CUX2: variants seen among roughly 807,000 people sequenced by gnomAD.
CUX2 encodes homeobox protein cut-like 2.
In CUX2, 40 loss-of-function variants were observed where a neutral mutation model predicts 144.8. The observed-to-expected ratio is 0.28, with a 90% CI of 0.21 to 0.36. The LOEUF is 0.36. Among genes scored for constraint, CUX2 ranks in the 10% least tolerant of loss-of-function variants. The probability of loss-of-function intolerance (pLI) is 1.00; values close to 1 mark genes in which losing one functional copy is unlikely to be tolerated. For missense variants in CUX2, 1,615 were observed against 1,994.0 expected (o/e 0.81, Z 3.62); for synonymous variants, 827 against 875.6 (o/e 0.94, Z 0.98).
At chr12:111,201,313 A>T (rs1156650287) in intron 1 of CUX2, among the ~76,000 whole-genome samples, 1 of 152,092 alleles carries the variant, frequency 6.6e-6, no homozygotes, top group Non-Finnish European at 1.5e-5. Context: ...AGCTGCCTGG[A>T]GGTGGGGGTG....
chr12:111,336,179 C>T (rs1431777069), intron 19 of CUX2, among the ~76,000 whole-genome samples: 1 of 152,130 alleles, frequency 6.6e-6, no homozygotes, highest in Non-Finnish European at 1.5e-5. Context: ...CCCTCTTGGG[C>T]CACAGTGGAA....
intron 1 of CUX2, among the ~76,000 whole-genome samples, chr12:111,117,854 G>T (rs1391387030): frequency 6.6e-6 from 1 of 152,188 alleles, no homozygotes; most frequent in Non-Finnish European, 1.5e-5. Context: ...GTATTTGAAT[G>T]CAGGCCAAGC....
intron 3 of CUX2, among the ~76,000 whole-genome samples, chr12:111,226,419 TA>T (rs1882147055): frequency 6.6e-6 from 1 of 152,226 alleles, no homozygotes; most frequent in Non-Finnish European, 1.5e-5. Context: ...ACCAAAGCAT[TA>T]TTGAACCTGT....
intron 1 of CUX2, among the ~76,000 whole-genome samples, chr12:111,144,079 C>T (rs997934659): frequency 2.6e-5 from 4 of 152,218 alleles, no homozygotes; most frequent in African/African-American, 7.2e-5. Flanking sequence ...GGACCCCCCA[C>T]TGCCTGGTGC....
At chr12:111,244,093 T>G (rs7976891) in intron 3 of CUX2, among the ~76,000 whole-genome samples, 11,499 of 146,640 alleles carry the variant, frequency 0.078, 936 homozygotes, top group African/African-American at 0.23. Flanking sequence ...GCTTTTTGGG[T>G]TTTTTTTTGT....
At position 111,132,557 on chromosome 12, in the gene CUX2, C is replaced by CTTT. The variant is rs1182564665; in HGVS notation, c.64-81618_64-81616dup. Among the ~76,000 whole-genome samples the CTTT allele has an allele frequency of 1.0e-3, 97 of 97,160 alleles. 6 individuals carry two copies. Among genetic ancestry groups the CTTT allele is most frequent in the East Asian group, 3.4e-3 (9 of 2,684 alleles). The allele number at this position is 97,160 out of a possible 152,430, so 63.7% of individuals were successfully genotyped here. On this transcript the variant is annotated intron_variant, in intron 1 of 21. Transcript: ENST00000261726. ...TTTCTGAATTTTTATGCTCTGTTTC[C>CTTT]TTTTTTTTTTTTTTTTTTTTTTTTT...
At chr12:111,265,378 G>T (rs548787637) in intron 4 of CUX2, among the ~76,000 whole-genome samples, 1 of 150,554 alleles carries the variant, frequency 6.6e-6, no homozygotes, top group South Asian at 2.1e-4. Flanking sequence ...GTCTTGCTCT[G>T]TTGCCCAGGC....
intron 19 of CUX2, among the ~76,000 whole-genome samples, chr12:111,337,665 G>A (rs1193720056): frequency 1.3e-5 from 2 of 152,206 alleles, no homozygotes; most frequent in African/African-American, 4.8e-5. Flanking sequence ...CTCCAACACG[G>A]TGATACAAAT....
At chr12:111,158,617 G>A (rs1346005736) in intron 1 of CUX2, among the ~76,000 whole-genome samples, 1 of 152,096 alleles carries the variant, frequency 6.6e-6, no homozygotes, top group Non-Finnish European at 1.5e-5. Context: ...CGGAGCATCT[G>A]CATGAAGATG....
chr12:111,105,129 CAG>C, intron 1 of CUX2, among the ~76,000 whole-genome samples: 1 of 152,286 alleles, frequency 6.6e-6, no homozygotes, highest in African/African-American at 2.4e-5. Context: ...CATTGAGGGT[CAG>C]GGCCCTGCGC....
intron 16 of CUX2, among the ~76,000 whole-genome samples, chr12:111,318,207 A>G (rs1219124726): frequency 1.4e-5 from 2 of 146,818 alleles, no homozygotes; most frequent in Admixed American, 6.8e-5. Flanking sequence ...GACCGTAGGC[A>G]TACACCACCA....
intron 1 of CUX2, among the ~76,000 whole-genome samples, chr12:111,177,401 A>G (rs1479366547): frequency 1.3e-5 from 2 of 150,700 alleles, no homozygotes; most frequent in African/African-American, 4.9e-5. Context: ...GACAAGGATG[A>G]TTTTTTTTTA....
chr12:111,057,313 G>A lies in CUX2; in HGVS notation c.63+23073G>A, dbSNP rs1414882950. Among the ~76,000 whole-genome samples the A allele has an allele frequency of 6.6e-6, 1 of 151,910 alleles. No homozygotes were observed. The highest frequency in any genetic ancestry group is 1.5e-5 in the Non-Finnish European group (1 of 67,982). ...TACAGGAAGCTGTGTGAGGGCAATG[G>A]GTGTGGCAGGAGATTATGTGAGGGA... On this transcript the variant is annotated intron_variant, in intron 1 of 21. Transcript: ENST00000261726. The surrounding 1 kb of genome is among the most constrained non-coding windows in gnomAD (Gnocchi z 5.1).
At chr12:111,194,358 C>T (rs1352837568) in intron 1 of CUX2, among the ~76,000 whole-genome samples, 2 of 152,186 alleles carry the variant, frequency 1.3e-5, no homozygotes, top group African/African-American at 4.8e-5. Flanking sequence ...AGGCTAGACC[C>T]GAGTTTGCAA....
At chr12:111,049,764 G>T (rs540043234) in intron 1 of CUX2, among the ~76,000 whole-genome samples, 2 of 152,348 alleles carry the variant, frequency 1.3e-5, no homozygotes, top group African/African-American at 4.8e-5. Flanking sequence ...GAAGGACCAA[G>T]CTCTGTCCTG....
At chr12:111,049,002 C>G (rs754253165) in intron 1 of CUX2, among the ~76,000 whole-genome samples, 43 of 152,266 alleles carry the variant, frequency 2.8e-4, no homozygotes, top group Non-Finnish European at 5.1e-4. Context: ...TCTACTCATT[C>G]ATAAATCTGC....
In CUX2 at chr12:111,322,738, G is replaced by A. The variant is rs998187275; in HGVS notation, c.2926+158G>A. ...TGTCATGGCTGCACTGGAACATGGC[G>A]GGGGGTCCTGGGGTTTCTCTGCTCC... On this transcript the variant is annotated intron_variant, in intron 18 of 21. Coordinates refer to ENST00000261726, the MANE Select transcript of CUX2 (RefSeq NM_015267.4). The surrounding 1 kb of genome is among the most constrained non-coding windows in gnomAD (Gnocchi z 4.2). Among the ~76,000 whole-genome samples, 5 of 152,170 alleles carry A rather than the reference G, an allele frequency of 3.3e-5. No homozygotes were observed. Among genetic ancestry groups the A allele is most frequent in the South Asian group, 2.1e-4 (1 of 4,824 alleles).
chr12:111,297,522 C>T (rs1436098531), intron 8 of CUX2, among the ~76,000 whole-genome samples: 1 of 152,228 alleles, frequency 6.6e-6, no homozygotes. Flanking sequence ...TGGTGGGGGC[C>T]TCCCCCTTTG....
In CUX2 at chr12:111,320,545, C is replaced by A; in HGVS notation, c.2536C>A (p.Pro846Thr). The A allele has an allele frequency of 1.3e-6, 2 of 1,533,906 alleles. No individual in the cohort carries two copies. Among genetic ancestry groups the A allele is most frequent in the Non-Finnish European group, 1.7e-6 (2 of 1,148,836 alleles). ...GGCGGCGGCAGGGGCGGAGGACGAA[C>A]CCCCCAGGACGGGCGAGCTCAAGGC... Reference protein sequence around the residue: ...DEAAAGAEDEPPRTGELKAEG... With the variant: ...DEAAAGAEDETPRTGELKAEG... Residue 846 changes from proline to threonine, a missense_variant, in exon 17 of 22, where the codon CCC becomes ACC. Physicochemically the swap from Pro to Thr is conservative, Grantham distance 38 (BLOSUM62 -1). Transcript: ENST00000261726. The surrounding 1 kb of genome is among the most constrained non-coding windows in gnomAD (Gnocchi z 8.1).
Sources: gnomAD v4.1 joint callset for allele counts (sites outside exome capture counted in the v4.1 genomes callset) on GRCh38, gnomAD v4.1.1 for gene constraint, Gnocchi (gnomAD v3.1) non-coding constraint, MANE v1.5 for transcripts, NCBI Gene and HGNC (gene_info 2026-07-23, HGNC 2026-07-21) for gene names.